Variants in ITGA4 observed in about 807,000 individuals in gnomAD.
ITGA4 encodes the protein integrin alpha-4.
A neutral mutation model predicts 133.6 loss-of-function variants in ITGA4; 63 were observed. That is an observed-to-expected ratio of 0.47 (90% CI 0.38 to 0.58). ITGA4 has a LOEUF of 0.58. ITGA4 is among the 20% of genes least tolerant of loss of function. ITGA4 has a pLI of 0.00. For missense variants in ITGA4, 1,076 were observed against 1,252.7 expected, an observed-to-expected ratio of 0.86 and a Z score of 2.13; for synonymous variants, 483 against 438.0, an observed-to-expected ratio of 1.10 and a Z score of -1.28.
intron 17 of ITGA4, among the ~76,000 whole-genome samples, chr2:181,520,594 T>A (rs1259452271): frequency 2.0e-5 from 3 of 152,084 alleles, no homozygotes; most frequent in African/African-American, 7.2e-5. Context: ...TTAGGTTCAA[T>A]CATGACATTT....
At chr2:181,494,281 T>G (rs2105744364) in intron 11 of ITGA4, among the ~76,000 whole-genome samples, 1 of 152,216 alleles carries the variant, frequency 6.6e-6, no homozygotes, top group African/African-American at 2.4e-5. Context: ...TAGTTATTCA[T>G]GTTGGGCAAG....
intron 2 of ITGA4, among the ~76,000 whole-genome samples, chr2:181,468,649 G>T (rs922476320): frequency 1.3e-5 from 2 of 152,028 alleles, no homozygotes; most frequent in Non-Finnish European, 1.5e-5. Context: ...TATTTAACTA[G>T]CTTTGTAGTA....
At position 181,457,501 on chromosome 2, in the gene ITGA4, C is replaced by T. The variant is rs889316274; in HGVS notation, c.-154C>T. The T allele has an allele frequency of 1.4e-5, 10 of 696,796 alleles. No homozygotes were observed. Among genetic ancestry groups the T allele is most frequent in the East Asian group, 1.3e-4 (4 of 31,714 alleles). The allele number at this position is 696,796 out of a possible 1,614,324, so 43.2% of individuals were successfully genotyped here. ...GCTCCGCCCGCGGTGGGCCGACTTC[C>T]CCTCCTCTTCCCTCTCTCCTTCCTT... On this transcript the variant is annotated 5_prime_UTR_variant, in exon 1 of 28. Coordinates refer to ENST00000397033, the MANE Select transcript of ITGA4 (RefSeq NM_000885.6).
Position 181,536,422 on chromosome 2 carries a change from C to CTAA in ITGA4, c.*899_*901dup, listed in dbSNP as rs1687090746. Among the ~76,000 whole-genome samples the CTAA allele has an allele frequency of 6.6e-6, 1 of 152,002 alleles. No homozygotes were observed. Among genetic ancestry groups the CTAA allele is most frequent in the African/African-American group, 2.4e-5 (1 of 41,416 alleles). On this transcript the variant is annotated 3_prime_UTR_variant, in exon 28 of 28. Transcript: ENST00000397033. ...TAGAAAATACAGAAACCATACCTCACTAATAACTTTAAAATCAAAGCTGTG... is the reference window on the plus strand; with the variant it reads ...TAGAAAATACAGAAACCATACCTCACTAATAATAACTTTAAAATCAAAGCTGTG...
chr2:181,490,842 A>G (rs1211688911), intron 10 of ITGA4, among the ~76,000 whole-genome samples: 1 of 152,230 alleles, frequency 6.6e-6, no homozygotes, highest in East Asian at 1.9e-4. Context: ...TAAACATAGT[A>G]TAAGTGTTGG....
intron 5 of ITGA4, 152 bp from the exon 6 acceptor site, chr2:181,479,985 T>TG: frequency 2.2e-6 from 1 of 454,718 alleles, no homozygotes; most frequent in East Asian, 4.1e-5. Flanking sequence ...TCTGGCTTTT[T>TG]TTTTTTCCTA....
chr2:181,504,658 A>G (rs2105752124), intron 15 of ITGA4, among the ~76,000 whole-genome samples: 1 of 152,190 alleles, frequency 6.6e-6, no homozygotes, highest in South Asian at 2.1e-4. Flanking sequence ...AGATTGCAAG[A>G]TCTTTGAGGC....
chr2:181,498,738 C>T lies in ITGA4; in HGVS notation c.1656C>T (p.Ser552=), dbSNP rs1247520039. The change falls in exon 15 of 28, where the codon AGC becomes AGT. Residue 552 remains serine (S), a synonymous_variant. Transcript: ENST00000397033. ...TTACAGGAAGCATACAGGTGTCCAG[C>T]AGAGAAGCTAACTGTAGAACACATC... The part of the protein sequence containing the change: ...DVITGSIQVS[S]REANCRTHQA... 6.2e-7 allele frequency: 1 copy of T among 1,611,486 alleles called. No homozygotes were observed. Among genetic ancestry groups the T allele is most frequent in the Non-Finnish European group, 8.5e-7 (1 of 1,178,642 alleles).
intron 21 of ITGA4, 86 bp from the exon 22 acceptor site, chr2:181,527,211 T>C (rs1686851557): frequency 5.5e-6 from 4 of 733,288 alleles, no homozygotes; most frequent in Non-Finnish European, 9.2e-6. Context: ...CTTGTAAATA[T>C]GCTATAATCC....
intron 10 of ITGA4, among the ~76,000 whole-genome samples, chr2:181,490,207 G>A (rs1289208743): frequency 6.6e-6 from 1 of 152,168 alleles, no homozygotes; most frequent in African/African-American, 2.4e-5. Context: ...CTGTCTGCTT[G>A]TGGATTTCAT....
At chr2:181,469,837 T>C (rs1043662867) in intron 2 of ITGA4, among the ~76,000 whole-genome samples, 10 of 152,014 alleles carry the variant, frequency 6.6e-5, no homozygotes, top group African/African-American at 2.4e-4. Context: ...ACACCGCATG[T>C]TCTCACTCAC....
chr2:181,498,587 T>C, intron 14 of ITGA4, 36 bp from the exon 15 acceptor site: 1 of 1,320,024 alleles, frequency 7.6e-7, no homozygotes, highest in East Asian at 2.3e-5. Context: ...TGTATTTCAG[T>C]AATTAGATTA....
intron 25 of ITGA4, among the ~76,000 whole-genome samples, chr2:181,533,334 T>C (rs1686984508): frequency 6.6e-6 from 1 of 152,138 alleles, no homozygotes; most frequent in African/African-American, 2.4e-5. Context: ...AAAGAAGAAA[T>C]ATCCATTTTA....
In ITGA4 at chr2:181,476,946, G is replaced by A. The variant is rs555185694; in HGVS notation, c.556+1658G>A. On this transcript the variant is annotated intron_variant, in intron 4 of 27. Transcript: ENST00000397033. ...TACATATGGACACAAGGGACACAAA[G>A]TAGGCACAAACACTAGGGCCTACCT... is the stretch of plus-strand genomic sequence containing the variant. Among the ~76,000 whole-genome samples the A allele has an allele frequency of 6.6e-5, 10 of 152,172 alleles. No homozygotes were observed. The South Asian group carries it at 1.0e-3, about 16-fold the overall frequency.
At chr2:181,513,294 A>G (rs1686542123) in intron 17 of ITGA4, among the ~76,000 whole-genome samples, 1 of 151,882 alleles carries the variant, frequency 6.6e-6, no homozygotes, top group Admixed American at 6.6e-5. Flanking sequence ...CTACATATCA[A>G]ATTCCCTATT....
In ITGA4 at chr2:181,478,808, C is replaced by T. The variant is rs1271302063; in HGVS notation, c.608C>T (p.Ser203Phe). 4 of 1,471,008 alleles carry T rather than the reference C, an allele frequency of 2.7e-6. No homozygotes were observed. Among genetic ancestry groups the T allele is most frequent in the Non-Finnish European group, 3.7e-6 (4 of 1,093,374 alleles). The allele number at this position is 1,471,008 out of a possible 1,614,324, so 91.1% of individuals were successfully genotyped here. The change falls in exon 5 of 28, where the codon TCC becomes TTC. Residue 203 changes from serine to phenylalanine, a missense_variant. Ser to Phe is a radical substitution (Grantham distance 155). Around this residue, in one of 4 missense-constraint regions of ITGA4, gnomAD observed 436 missense variants for 590.7 expected, o/e 0.74. Transcript: ENST00000397033. ...TTTGCATCATGTCAAGCTGGAATAT[C>T]CAGTTTTTACACAAAGGTAATTGTT... is the stretch of plus-strand genomic sequence containing the variant. Reference protein sequence around the residue: ...ENFASCQAGISSFYTKDLIVM... With the variant: ...ENFASCQAGIFSFYTKDLIVM...
chr2:181,527,026 G>C (rs1049274141), intron 21 of ITGA4, among the ~76,000 whole-genome samples: 1 of 151,212 alleles, frequency 6.6e-6, no homozygotes, highest in African/African-American at 2.4e-5. Context: ...AGTAGAGATT[G>C]GGTTTCACCA....
intron 17 of ITGA4, among the ~76,000 whole-genome samples, chr2:181,518,419 G>A (rs572175857): frequency 7.1e-4 from 108 of 152,106 alleles, no homozygotes; most frequent in Non-Finnish European, 1.2e-3. Context: ...TTCTCATATG[G>A]CTTATTGGGG....
intron 6 of ITGA4, 125 bp downstream of exon 6, chr2:181,480,391 C>T (rs756477176): frequency 1.3e-5 from 6 of 479,732 alleles, no homozygotes; most frequent in Non-Finnish European, 1.8e-5. Context: ...AATAATTAGG[C>T]AGTTCAGAAA....
Sources: gnomAD v4.1 joint callset for allele counts (sites outside exome capture counted in the v4.1 genomes callset) on GRCh38, gnomAD v4.1.1 for gene constraint, gnomAD v4.1.1 regional missense constraint, MANE v1.5 for transcripts, NCBI Gene and HGNC (gene_info 2026-07-23, HGNC 2026-07-21) for gene names.